ANKRD36C: variants seen among roughly 807,000 people sequenced by gnomAD.
ANKRD36C encodes the protein ankyrin repeat domain-containing protein 36C.
A neutral mutation model predicts 276.4 loss-of-function variants in ANKRD36C; 61 were observed. The observed-to-expected ratio is 0.22, with a 90% confidence interval of 0.18 to 0.27. ANKRD36C has a LOEUF of 0.27. ANKRD36C is among the 10% of genes least tolerant of loss of function. ANKRD36C has a pLI of 1.00. For synonymous variants in ANKRD36C, 483 were observed against 680.1 expected, an observed-to-expected ratio of 0.71 and a Z score of 4.51; for missense variants, 1,447 against 2,032.3, an observed-to-expected ratio of 0.71 and a Z score of 5.54.
At chr2:95,945,472 A>T (rs1047557084) in intron 17 of ANKRD36C, among the ~76,000 whole-genome samples, 2 of 152,308 alleles carry the variant, frequency 1.3e-5, no homozygotes, top group Admixed American at 6.5e-5. Flanking sequence ...ACAAAAATTT[A>T]CTCATCTGTA....
At chr2:95,944,718 G>C in intron 18 of ANKRD36C, 24 bp from the exon 19 acceptor site, 1 of 1,535,386 alleles carries the variant, frequency 6.5e-7, no homozygotes, top group Non-Finnish European at 8.7e-7. Flanking sequence ...AAAGTCAAGA[G>C]TAGATGAAAT....
chr2:95,872,722 C>T (rs1383581245), intron 59 of ANKRD36C, among the ~76,000 whole-genome samples: 5 of 151,948 alleles, frequency 3.3e-5, no homozygotes, highest in African/African-American at 1.2e-4. Flanking sequence ...ATTAATGAAT[C>T]CAGGAGCTGG....
intron 8 of ANKRD36C, among the ~76,000 whole-genome samples, chr2:95,961,808 TGAA>T (rs1678466799): frequency 6.6e-6 from 1 of 152,096 alleles, no homozygotes; most frequent in African/African-American, 2.4e-5. Flanking sequence ...CAAATGCATC[TGAA>T]GTGAGTCCCA....
chr2:95,988,948 A>T (rs1679084638), intron 1 of ANKRD36C, among the ~76,000 whole-genome samples: 1 of 152,128 alleles, frequency 6.6e-6, no homozygotes, highest in South Asian at 2.1e-4. Flanking sequence ...CGGGGGGATC[A>T]CCTGAGGTCA....
chr2:95,990,019 ATT>A (rs1558666835), intron 1 of ANKRD36C, among the ~76,000 whole-genome samples: 1 of 152,030 alleles, frequency 6.6e-6, no homozygotes, highest in Non-Finnish European at 1.5e-5. Flanking sequence ...TTGTCTTTTA[ATT>A]TTTTCTTATA....
chr2:95,985,001 A>T (rs1678999294), intron 3 of ANKRD36C, among the ~76,000 whole-genome samples: 1 of 152,198 alleles, frequency 6.6e-6, no homozygotes, highest in African/African-American at 2.4e-5. Context: ...TTCAGCTTTA[A>T]AAAAAGGTTT....
At chr2:95,922,866 A>T (rs574510031) in intron 32 of ANKRD36C, among the ~76,000 whole-genome samples, 21 of 151,792 alleles carry the variant, frequency 1.4e-4, no homozygotes, top group African/African-American at 5.1e-4. Context: ...GTTTATCCCA[A>T]TTCTAGCTTT....
downstream of ANKRD36C, among the ~76,000 whole-genome samples, chr2:95,849,688 A>T (rs1358965225): frequency 2.6e-5 from 4 of 152,218 alleles, no homozygotes; most frequent in Non-Finnish European, 4.4e-5. Context: ...CGTGAAGAGA[A>T]AGGAGACAAT....
At chr2:95,987,524 A>G (rs957749360) in intron 1 of ANKRD36C, among the ~76,000 whole-genome samples, 2 of 151,926 alleles carry the variant, frequency 1.3e-5, no homozygotes, top group African/African-American at 4.8e-5. Flanking sequence ...ATGCTTACAT[A>G]AGAATCTATG....
chr2:95,964,536 C>T (rs1459163897), intron 6 of ANKRD36C, among the ~76,000 whole-genome samples: 1 of 152,062 alleles, frequency 6.6e-6, no homozygotes, highest in Non-Finnish European at 1.5e-5. Flanking sequence ...CCCATTCTGA[C>T]ACATGTGAAG....
chr2:95,956,269 T>C (rs896874863), intron 13 of ANKRD36C, among the ~76,000 whole-genome samples: 2 of 152,202 alleles, frequency 1.3e-5, no homozygotes, highest in African/African-American at 4.8e-5. Context: ...CACAGGTAAC[T>C]GATATCTGCC....
chr2:95,946,385 A>G (rs199674933), intron 17 of ANKRD36C, among the ~76,000 whole-genome samples: 2 of 143,436 alleles, frequency 1.4e-5, no homozygotes, highest in Non-Finnish European at 3.0e-5. Context: ...TTAGAATGGC[A>G]ATCATTAAAA....
chr2:95,961,686 G>A (rs1678464222), intron 8 of ANKRD36C, among the ~76,000 whole-genome samples: 1 of 151,996 alleles, frequency 6.6e-6, no homozygotes, highest in African/African-American at 2.4e-5. Flanking sequence ...ATGCCCAATA[G>A]TTACAAAGAG....
chr2:95,891,733 G>A (rs763493562), exon 46 of ANKRD36C: 1 of 1,581,834 alleles, frequency 6.3e-7, no homozygotes, highest in Non-Finnish European at 8.6e-7. Flanking sequence ...CTCGTCACTT[G>A]TAGCCTGAAT....
In ANKRD36C at chr2:95,944,566, T is replaced by C. The variant is rs1268472126; in HGVS notation, c.1491+61A>G. On this transcript the variant is annotated intron_variant, in intron 19 of 66. Transcript: ENST00000456556. Reference sequence around the variant, plus strand: ...AAGATCATTAACAGATAAGAGTGAGTTGGTGAACAGGACTGGACTCTGATT... The same window carrying C: ...AAGATCATTAACAGATAAGAGTGAGCTGGTGAACAGGACTGGACTCTGATT... 11 of 1,445,960 alleles carry C rather than the reference T, an allele frequency of 7.6e-6. No individual in the cohort carries two copies. The South Asian group carries it at 8.7e-5, about 11-fold the overall frequency. 89.6% of individuals were successfully genotyped at this position (1,445,960 alleles called of 1,614,324 possible). A position where few individuals can be genotyped will look rare whatever the true frequency, so the allele number is the denominator to read the frequency against.
chr2:95,910,409 C>A (rs1676878841), intron 42 of ANKRD36C: 1 of 1,553,758 alleles, frequency 6.4e-7, no homozygotes, highest in South Asian at 1.2e-5. Flanking sequence ...TCTTCTCTGG[C>A]TATACTCAAA....
At chr2:95,853,650 T>C in intron 64 of ANKRD36C, 59 bp downstream of exon 84, 9 of 1,533,258 alleles carry the variant, frequency 5.9e-6, no homozygotes, top group Non-Finnish European at 7.9e-6. Flanking sequence ...CCAAAACACT[T>C]TATATTAGTT....
chr2:95,957,952 T>C (rs958346923), intron 12 of ANKRD36C, among the ~76,000 whole-genome samples: 2 of 152,094 alleles, frequency 1.3e-5, no homozygotes, highest in Admixed American at 1.3e-4. Context: ...GTGACTGTGG[T>C]TCATCACAAT....
chr2:95,909,859 C>T lies in ANKRD36C; in HGVS notation c.2653+2385G>A, dbSNP rs1399528952. On this transcript the variant is annotated intron_variant, in intron 42 of 66. Coordinates refer to ENST00000456556, the Ensembl canonical transcript of ANKRD36C. ...AGTGAGTTCACTCAGGTTTCCTCAG[C>T]GGAAACCCCAAAATTATATAAATGA... 1.6e-4 allele frequency among the ~76,000 whole-genome samples: 23 copies of T among 147,004 alleles called. 1 individual carries two copies. The South Asian group carries it at 4.1e-3, about 26-fold the overall frequency.
Sources: allele counts gnomAD v4.1 joint callset (sites outside exome capture counted in the v4.1 genomes callset), GRCh38; gene constraint gnomAD v4.1.1; transcripts MANE v1.5; gene names NCBI Gene and HGNC (gene_info 2026-07-23, HGNC 2026-07-21).